WSB2: variants seen among roughly 807,000 people sequenced by gnomAD.
The protein encoded by WSB2 is WD repeat and SOCS box-containing protein 2.
A neutral mutation model predicts 48.8 loss-of-function variants in WSB2; 12 were observed. The ratio of observed to expected loss-of-function variants is 0.25; its 90% CI spans 0.16 to 0.40. The LOEUF (loss-of-function observed/expected upper bound fraction) is 0.40. Among genes scored for constraint, WSB2 ranks in the 10% least tolerant of loss-of-function variants. WSB2 has a pLI of 1.00. For missense variants in WSB2, 317 were observed against 506.2 expected, an observed-to-expected ratio of 0.63 and a Z score of 3.59; for synonymous variants, 191 against 203.1, an observed-to-expected ratio of 0.94 and a Z score of 0.51.
upstream of WSB2, chr12:118,061,238 G>A (rs2032060357): frequency 1.0e-6 from 1 of 967,112 alleles, no homozygotes; most frequent in Middle Eastern, 5.2e-4. Flanking sequence ...CAGGGGAAAC[G>A]GAGGGGGGGT....
intron 2 of WSB2, among the ~76,000 whole-genome samples, chr12:118,048,372 G>A (rs1290191203): frequency 6.6e-6 from 1 of 151,980 alleles, no homozygotes; most frequent in Admixed American, 6.5e-5. Context: ...TAGATCCCTT[G>A]AGGCCAGGAG....
chr12:118,051,059 G>GA lies in WSB2; in HGVS notation c.182+1250dup, dbSNP rs1212585237. ...AGAGTGAGACTCTGTCTCAAAAAAA[G>GA]AAAAAAAAAAAGAAAGAAAGAAAAG... On this transcript the variant is annotated intron_variant, in intron 2 of 8. Coordinates refer to ENST00000315436, the MANE Select transcript of WSB2 (RefSeq NM_018639.5). Among the ~76,000 whole-genome samples the GA allele has an allele frequency of 4.6e-3, 616 of 132,900 alleles. 6 individuals carry two copies. Among genetic ancestry groups the GA allele is most frequent in the African/African-American group, 0.015 (526 of 36,154 alleles). The allele number at this position is 132,900 out of a possible 152,430, so 87.2% of individuals were successfully genotyped here. A position where few individuals can be genotyped will look rare whatever the true frequency, so the allele number is the denominator to read the frequency against.
In WSB2 at chr12:118,060,856, A is replaced by C. The variant is rs1198453775; in HGVS notation, c.13+180T>G. 1.3e-5 allele frequency among the ~76,000 whole-genome samples: 2 copies of C among 151,478 alleles called. No homozygotes were observed. The highest frequency in any genetic ancestry group is 4.8e-5 in the African/African-American group (2 of 41,374). ...GCCACTGACAACGAAAGTGAAACAA[A>C]GCTGGTCGCCGGGCGCGCACCCCCG... On this transcript the variant is annotated intron_variant, in intron 1 of 8. Coordinates refer to ENST00000315436, the MANE Select transcript of WSB2 (RefSeq NM_018639.5). This position sits in a 1 kb window ranked among gnomAD's most constrained non-coding sequence, Gnocchi z 4.1.
At chr12:118,040,438 C>G (rs12302795) in intron 4 of WSB2, among the ~76,000 whole-genome samples, 51,909 of 151,752 alleles carry the variant, frequency 0.34, 9,077 homozygotes, top group Non-Finnish European at 0.36. Flanking sequence ...GGCAAGCTGC[C>G]TCAGTACACA....
Position 118,036,362 on chromosome 12 carries a change from G to T in WSB2, c.809C>A (p.Thr270Asn), listed in dbSNP as rs1306154460. 1 of 1,614,168 alleles carries T rather than the reference G, an allele frequency of 6.2e-7. No individual in the cohort carries two copies. ...CTGGAGTGACCTCAGCCTTTCGCCG[G>T]TGTAGGGGTCCCACATAATCACATT... ...DTNVIMWDPYTGERLRSLHHT... is the reference protein window; with the variant it reads ...DTNVIMWDPYNGERLRSLHHT... The change falls in exon 6 of 9, where the codon ACC becomes AAC. Residue 270 changes from threonine to asparagine, a missense_variant. Thr to Asn is a moderately conservative substitution (Grantham distance 65). This residue lies in a region of WSB2 where 189 missense variants were observed against 349.6 expected (regional missense o/e 0.54). Transcript: ENST00000315436.
In WSB2 at chr12:118,060,976, C is replaced by T; in HGVS notation, c.13+60G>A. ...CCGCCCCGGGGTCGCCTCCCCCCTC[C>T]CCGGGGAGAACGGGCCAGGGCCCCG... On this transcript the variant is annotated intron_variant, in intron 1 of 8. Transcript: ENST00000315436. The surrounding 1 kb of genome is among the most constrained non-coding windows in gnomAD (Gnocchi z 4.1). 1 of 882,264 alleles carries T rather than the reference C, an allele frequency of 1.1e-6. No individual in the cohort carries two copies. The highest frequency in any genetic ancestry group is 1.4e-6 in the Non-Finnish European group (1 of 734,594). The allele number at this position is 882,264 out of a possible 1,614,324, so 54.7% of individuals were successfully genotyped here. A position where few individuals can be genotyped will look rare whatever the true frequency, so the allele number is the denominator to read the frequency against.
At chr12:118,059,134 G>C (rs1292130822) in intron 1 of WSB2, among the ~76,000 whole-genome samples, 1 of 152,136 alleles carries the variant, frequency 6.6e-6, no homozygotes, top group East Asian at 1.9e-4. Flanking sequence ...CCAACCACTT[G>C]AAATGTGGCA....
intron 8 of WSB2, 85 bp downstream of exon 8, chr12:118,034,901 A>G: frequency 7.4e-7 from 1 of 1,345,410 alleles, no homozygotes. Context: ...AGGCAAGAAA[A>G]TTCTAGATGG....
intron 2 of WSB2, among the ~76,000 whole-genome samples, chr12:118,046,327 G>C (rs553717146): frequency 8.5e-4 from 130 of 152,134 alleles, no homozygotes; most frequent in African/African-American, 2.9e-3. Flanking sequence ...GCCAGGCCTG[G>C]TGGGGGGTGC....
rs574840183 is a variant in WSB2, at chr12:118,060,241, G to T, written c.13+795C>A. Among the ~76,000 whole-genome samples, 37 of 152,130 alleles carry T rather than the reference G, an allele frequency of 2.4e-4. No individual in the cohort carries two copies. Among genetic ancestry groups the T allele is most frequent in the Admixed American group, 9.2e-4 (14 of 15,262 alleles). The stretch of plus-strand genomic sequence containing the variant: ...ATAAGAGACACACCTTTCCCACTGA[G>T]ATTTTATGTTCATCTGGGCTGGCTT... On this transcript the variant is annotated intron_variant, in intron 1 of 8. Coordinates refer to ENST00000315436, the MANE Select transcript of WSB2 (RefSeq NM_018639.5). This position sits in a 1 kb window ranked among gnomAD's most constrained non-coding sequence, Gnocchi z 4.1.
At chr12:118,053,049 T>G (rs1285089139) in intron 1 of WSB2, among the ~76,000 whole-genome samples, 1 of 152,146 alleles carries the variant, frequency 6.6e-6, no homozygotes, top group African/African-American at 2.4e-5. Context: ...AACCTTCATC[T>G]CATCTCACCC....
chr12:118,033,983 AAGTGGAATCTCTTCC>A lies in WSB2; in HGVS notation c.*198_*212del. 1.6e-6 allele frequency: 1 copy of A among 609,948 alleles called. No individual in the cohort carries two copies. Among genetic ancestry groups the A allele is most frequent in the Non-Finnish European group, 2.8e-6 (1 of 352,712 alleles). 37.8% of individuals were successfully genotyped at this position (609,948 alleles called of 1,614,324 possible). A position where few individuals can be genotyped will look rare whatever the true frequency, so the allele number is the denominator to read the frequency against. On this transcript the variant is annotated 3_prime_UTR_variant, in exon 9 of 9. Transcript: ENST00000315436. ...TTAACGTAAGGCTCTGTTGCCGTGCAAGTGGAATCTCTTCCTCTAAGACTGACTTTCACATGCCAG... is the reference window on the plus strand; with the variant it reads ...TTAACGTAAGGCTCTGTTGCCGTGCATCTAAGACTGACTTTCACATGCCAG...
chr12:118,057,103 G>A (rs1463130707), intron 1 of WSB2, among the ~76,000 whole-genome samples: 1 of 152,090 alleles, frequency 6.6e-6, no homozygotes, highest in Non-Finnish European at 1.5e-5. Context: ...GTCTCTTGGA[G>A]TCTGGGCCCA....
chr12:118,047,738 T>C (rs1312257200), intron 2 of WSB2, among the ~76,000 whole-genome samples: 1 of 152,130 alleles, frequency 6.6e-6, no homozygotes, highest in Non-Finnish European at 1.5e-5. Context: ...CCGATTATTT[T>C]AAATTATAAA....
upstream of WSB2, among the ~76,000 whole-genome samples, chr12:118,061,373 A>T (rs1339776053): frequency 8.1e-6 from 1 of 123,922 alleles, no homozygotes; most frequent in African/African-American, 3.0e-5. Flanking sequence ...AGACGCGCGA[A>T]CCAGATAAAA....
At position 118,060,949 on chromosome 12, in the gene WSB2, G is replaced by GC; in HGVS notation, c.13+86dup. 25 of 226,816 alleles carry GC rather than the reference G, an allele frequency of 1.1e-4. No homozygotes were observed. Among genetic ancestry groups the GC allele is most frequent in the Middle Eastern group, 2.1e-3 (1 of 468 alleles). The allele number at this position is 226,816 out of a possible 1,614,324, so 14.1% of individuals were successfully genotyped here. On this transcript the variant is annotated intron_variant, in intron 1 of 8. Coordinates refer to ENST00000315436, the MANE Select transcript of WSB2 (RefSeq NM_018639.5). This position sits in a 1 kb window ranked among gnomAD's most constrained non-coding sequence, Gnocchi z 4.1. ...TCCAGCCCCCGCCCCACCCCGCCCAGCCCGCCCCGGGGTCGCCTCCCCCCT... is the reference window on the plus strand; with the variant it reads ...TCCAGCCCCCGCCCCACCCCGCCCAGCCCCGCCCCGGGGTCGCCTCCCCCCT...
chr12:118,051,504 G>A (rs932286287), intron 2 of WSB2, among the ~76,000 whole-genome samples: 1 of 152,136 alleles, frequency 6.6e-6, no homozygotes, highest in Non-Finnish European at 1.5e-5. Context: ...AATGAAAGGA[G>A]CTAGTCAAAA....
At position 118,048,462 on chromosome 12, in the gene WSB2, C is replaced by T. The variant is rs139297732; in HGVS notation, c.182+3848G>A. On this transcript the variant is annotated intron_variant, in intron 2 of 8. Coordinates refer to ENST00000315436, the MANE Select transcript of WSB2 (RefSeq NM_018639.5). ...AAAATTAGCTGAGTGTGGTGGCACACGCCTGTAATCCCAGTTAGGAGGCTG... is the reference window on the plus strand; with the variant it reads ...AAAATTAGCTGAGTGTGGTGGCACATGCCTGTAATCCCAGTTAGGAGGCTG... Among the ~76,000 whole-genome samples the T allele has an allele frequency of 2.9e-3, 446 of 151,948 alleles. 1 individual carries two copies. The highest frequency in any genetic ancestry group is 9.8e-3 in the African/African-American group (408 of 41,440).
At chr12:118,041,748 C>CTTTTTTTTT (rs150072011) in intron 4 of WSB2, among the ~76,000 whole-genome samples, 1 of 101,536 alleles carries the variant, frequency 9.8e-6, no homozygotes, top group Non-Finnish European at 1.9e-5. Context: ...TCTTATGTCA[C>CTTTTTTTTT]TTTTTTTTTT....
Sources: gnomAD v4.1 joint callset for allele counts (sites outside exome capture counted in the v4.1 genomes callset) on GRCh38, gnomAD v4.1.1 for gene constraint, gnomAD v4.1.1 regional missense constraint, Gnocchi (gnomAD v3.1) non-coding constraint, MANE v1.5 for transcripts, NCBI Gene and HGNC (gene_info 2026-07-23, HGNC 2026-07-21) for gene names.